Variants in WWOX observed in about 807,000 individuals in gnomAD.
The protein encoded by WWOX is WW domain containing oxidoreductase.
Under a neutral mutation model 46.2 loss-of-function variants are expected in WWOX, and 69 were observed. The observed-to-expected ratio is 1.49, with a 90% CI of 1.23 to 1.82. The LOEUF (loss-of-function observed/expected upper bound fraction) is 1.82. WWOX is among the 40% of genes most tolerant of loss of function. The pLI is 0.00. For missense variants in WWOX, 919 were observed against 542.6 expected (o/e 1.69, Z -6.89); for synonymous variants, 359 against 202.6 (o/e 1.77, Z -6.56).
chr16:78,324,235 G>A (rs1306624435), intron 5 of WWOX, among the ~76,000 whole-genome samples: 1 of 151,980 alleles, frequency 6.6e-6, no homozygotes, highest in Non-Finnish European at 1.5e-5. Flanking sequence ...TTGTTTCCCT[G>A]GTCTTAGATA....
intron 8 of WWOX, among the ~76,000 whole-genome samples, chr16:78,750,209 A>G (rs1361122563): frequency 6.6e-6 from 1 of 152,200 alleles, no homozygotes; most frequent in African/African-American, 2.4e-5. Context: ...AAACAGGAAG[A>G]AAAACCCACT....
intron 8 of WWOX, among the ~76,000 whole-genome samples, chr16:78,659,392 T>G (rs1042797143): frequency 1.2e-4 from 19 of 152,104 alleles, no homozygotes; most frequent in Non-Finnish European, 2.2e-4. Flanking sequence ...TGGGAACTTG[T>G]TAGATGTGCT....
intron 8 of WWOX, among the ~76,000 whole-genome samples, chr16:78,722,725 C>G (rs543447437): frequency 9.2e-5 from 10 of 108,854 alleles, no homozygotes; most frequent in African/African-American, 3.5e-4. Context: ...TTTTTTTCCT[C>G]TAAATAAACA....
At position 78,657,105 on chromosome 16, in the gene WWOX, A is replaced by C. The variant is rs188110870; in HGVS notation, c.1056+224353A>C. ...TCATTCATGCAATTGCGCAATTCACACACCAGGCTGCCACTTTGGCCCCTG... is the reference window on the plus strand; with the variant it reads ...TCATTCATGCAATTGCGCAATTCACCCACCAGGCTGCCACTTTGGCCCCTG... On this transcript the variant is annotated intron_variant, in intron 8 of 8. Coordinates refer to ENST00000566780, the MANE Select transcript of WWOX (RefSeq NM_016373.4). 1.3e-4 allele frequency among the ~76,000 whole-genome samples: 20 copies of C among 152,222 alleles called. No homozygotes were observed. The East Asian group carries it at 3.9e-3, about 29-fold the overall frequency.
At chr16:78,881,150 G>T (rs1369645520) in intron 8 of WWOX, among the ~76,000 whole-genome samples, 2 of 151,788 alleles carry the variant, frequency 1.3e-5, no homozygotes, top group African/African-American at 4.8e-5. Context: ...ACACCACCAT[G>T]CCTGCCCAAT....
intron 8 of WWOX, among the ~76,000 whole-genome samples, chr16:78,827,565 G>C (rs2051692500): frequency 6.6e-6 from 1 of 152,094 alleles, no homozygotes; most frequent in Non-Finnish European, 1.5e-5. Context: ...GGGTGTGGTA[G>C]CTCATGCCTG....
chr16:78,331,191 T>C (rs773614145), intron 5 of WWOX, among the ~76,000 whole-genome samples: 69 of 152,370 alleles, frequency 4.5e-4, no homozygotes, highest in African/African-American at 1.3e-3. Flanking sequence ...AACTAAAATA[T>C]TCATTTGCAG....
chr16:78,829,792 C>G (rs1221305169), intron 8 of WWOX, among the ~76,000 whole-genome samples: 2 of 152,194 alleles, frequency 1.3e-5, no homozygotes, highest in East Asian at 1.9e-4. Context: ...AGATTGTAGC[C>G]AAAATTGGAA....
intron 8 of WWOX, among the ~76,000 whole-genome samples, chr16:78,656,802 A>T (rs2047091301): frequency 6.6e-6 from 1 of 152,132 alleles, no homozygotes; most frequent in African/African-American, 2.4e-5. Context: ...CCTTAGGCAG[A>T]TTGCTCTGAC....
intron 8 of WWOX, chr16:79,077,491 G>T (rs1327978367): frequency 6.6e-6 from 1 of 152,136 alleles, no homozygotes; most frequent in Non-Finnish European, 1.5e-5. Flanking sequence ...ACATAAGGAT[G>T]CAATTCACAG....
At chr16:78,342,480 G>A (rs112881552) in intron 5 of WWOX, among the ~76,000 whole-genome samples, 13,583 of 119,522 alleles carry the variant, frequency 0.11, 4,094 homozygotes, top group East Asian at 0.21. Context: ...CGTGGCATTT[G>A]TTGCTTCCAT....
intron 8 of WWOX, among the ~76,000 whole-genome samples, chr16:78,870,471 C>G (rs2044102418): frequency 1.3e-5 from 2 of 151,614 alleles, no homozygotes; most frequent in South Asian, 4.2e-4. Flanking sequence ...TGTCTTGATT[C>G]AAGATTCAGA....
Position 78,586,112 on chromosome 16 carries a change from T to C in WWOX, c.1056+153360T>C, listed in dbSNP as rs577202998. ...TGGCTTATACCTGTAATCCCAACAC[T>C]TTGGGAGGCTGAGGTGGGAGGATTG... On this transcript the variant is annotated intron_variant, in intron 8 of 8. Coordinates refer to ENST00000566780, the MANE Select transcript of WWOX (RefSeq NM_016373.4). 2.6e-5 allele frequency among the ~76,000 whole-genome samples: 4 copies of C among 152,116 alleles called. No homozygotes were observed. The East Asian group carries it at 5.8e-4, about 22-fold the overall frequency.
chr16:78,240,610 C>T (rs577431652), intron 5 of WWOX, among the ~76,000 whole-genome samples: 17 of 152,274 alleles, frequency 1.1e-4, no homozygotes, highest in African/African-American at 2.4e-4. Flanking sequence ...TCTGGTTTCC[C>T]GGAGGAACTT....
chr16:78,946,769 G>A (rs1007406488), intron 8 of WWOX, among the ~76,000 whole-genome samples: 2 of 145,872 alleles, frequency 1.4e-5, no homozygotes, highest in African/African-American at 2.8e-5. Flanking sequence ...AGAATTGGCA[G>A]TGAGCCCCCG....
intron 8 of WWOX, among the ~76,000 whole-genome samples, chr16:78,735,825 C>A (rs1273488017): frequency 6.6e-6 from 1 of 152,204 alleles, no homozygotes; most frequent in East Asian, 1.9e-4. Flanking sequence ...CTTTGTGAAT[C>A]AGGGGATGCT....
At chr16:78,841,319 T>C (rs1345807419) in intron 8 of WWOX, among the ~76,000 whole-genome samples, 1 of 152,200 alleles carries the variant, frequency 6.6e-6, no homozygotes, top group African/African-American at 2.4e-5. Flanking sequence ...TGTCTACATA[T>C]GTAGCTGTTT....
intron 8 of WWOX, among the ~76,000 whole-genome samples, chr16:78,564,326 G>T (rs1450388007): frequency 6.6e-6 from 1 of 152,208 alleles, no homozygotes; most frequent in Non-Finnish European, 1.5e-5. Context: ...TTCCTCAGCT[G>T]TAGGCCTGGT....
chr16:78,689,677 C>G (rs1331013674), intron 8 of WWOX, among the ~76,000 whole-genome samples: 1 of 152,172 alleles, frequency 6.6e-6, no homozygotes, highest in Non-Finnish European at 1.5e-5. Context: ...TTTGCATCCA[C>G]TGACCCTCCC....
Sources: allele counts gnomAD v4.1 joint callset (sites outside exome capture counted in the v4.1 genomes callset), GRCh38; gene constraint gnomAD v4.1.1; transcripts MANE v1.5; gene names NCBI Gene and HGNC (gene_info 2026-07-23, HGNC 2026-07-21).